FOLH1: variants seen among roughly 807,000 people sequenced by gnomAD.
The protein encoded by FOLH1 is folate hydrolase 1.
In FOLH1, 54 loss-of-function variants were observed where a neutral mutation model predicts 93.9. The observed-to-expected ratio is 0.57, with a 90% CI of 0.46 to 0.72. The LOEUF (loss-of-function observed/expected upper bound fraction) is 0.72, where lower values mean the gene tolerates loss of function less well. FOLH1 is among the 30% of genes least tolerant of loss of function. FOLH1 has a pLI of 0.00. For synonymous variants in FOLH1, 249 were observed against 303.6 expected, an observed-to-expected ratio of 0.82 and a Z score of 1.87; for missense variants, 571 against 892.5, an observed-to-expected ratio of 0.64 and a Z score of 4.59.
intron 3 of FOLH1, among the ~76,000 whole-genome samples, chr11:49,198,652 A>C (rs966451998): frequency 6.6e-6 from 1 of 152,032 alleles, no homozygotes; most frequent in Non-Finnish European, 1.5e-5. Context: ...TGTTTTAAAG[A>C]CCCCTCGGTA....
intron 4 of FOLH1, among the ~76,000 whole-genome samples, chr11:49,191,499 G>T (rs546077498): frequency 1.3e-5 from 2 of 152,158 alleles, no homozygotes; most frequent in Admixed American, 1.3e-4. Context: ...AAGATTTTAA[G>T]TCTATTTGAA....
chr11:49,170,529 T>C (rs959942937), intron 11 of FOLH1, among the ~76,000 whole-genome samples: 1 of 152,122 alleles, frequency 6.6e-6, no homozygotes, highest in Admixed American at 6.5e-5. Flanking sequence ...GCAGGAGAAT[T>C]GCTTGAACCC....
intron 3 of FOLH1, among the ~76,000 whole-genome samples, chr11:49,194,692 A>G (rs1862438197): frequency 6.6e-6 from 1 of 152,076 alleles, no homozygotes; most frequent in Non-Finnish European, 1.5e-5. Context: ...AGCATGTCTA[A>G]ATAAAATCAG....
intron 3 of FOLH1, among the ~76,000 whole-genome samples, chr11:49,194,258 C>T (rs1478074220): frequency 6.6e-6 from 1 of 150,852 alleles, no homozygotes; most frequent in African/African-American, 2.4e-5. Context: ...CCAGATAATT[C>T]ATAACCCTAC....
In FOLH1 at chr11:49,198,146, T is replaced by C. The variant is rs191546417; in HGVS notation, c.411+2109A>G. Among the ~76,000 whole-genome samples the C allele has an allele frequency of 4.9e-3, 739 of 151,962 alleles. 6 individuals are homozygous for C. The highest frequency in any genetic ancestry group is 7.1e-3 in the Admixed American group (109 of 15,270). ...TAATGAAATAAAATAAGCAATGGTA[T>C]AGTCAAAACTGGGAAGTGAGGAGGA... On this transcript the variant is annotated intron_variant, in intron 3 of 18. Transcript: ENST00000256999.
intron 7 of FOLH1, among the ~76,000 whole-genome samples, chr11:49,176,327 C>A (rs984749811): frequency 1.3e-4 from 20 of 152,188 alleles, no homozygotes; most frequent in African/African-American, 1.9e-4. Flanking sequence ...ATTTTCCATT[C>A]TTATTTGTCT....
chr11:49,163,212 CCT>C (rs1857924071), intron 13 of FOLH1, among the ~76,000 whole-genome samples: 1 of 152,114 alleles, frequency 6.6e-6, no homozygotes, highest in Non-Finnish European at 1.5e-5. Flanking sequence ...GTGGTTTGCC[CCT>C]CCTCCTGGCA....
intron 11 of FOLH1, 56 bp from the exon 12 acceptor site, chr11:49,169,314 A>T (rs1365171615): frequency 1.7e-5 from 25 of 1,483,144 alleles, no homozygotes; most frequent in Non-Finnish European, 3.7e-6. Flanking sequence ...CCCCTCCCCC[A>T]CAAAATGCAC....
chr11:49,172,656 A>C (rs1329535162), intron 10 of FOLH1, among the ~76,000 whole-genome samples: 2 of 152,208 alleles, frequency 1.3e-5, no homozygotes, highest in African/African-American at 4.8e-5. Flanking sequence ...GGTTGATAAA[A>C]ATATATAGAT....
chr11:49,156,211 C>T (rs990241289), intron 15 of FOLH1, among the ~76,000 whole-genome samples: 5 of 151,834 alleles, frequency 3.3e-5, no homozygotes, highest in Admixed American at 6.6e-5. Context: ...GACCCAGTCT[C>T]GGGTATGTCT....
At chr11:49,148,806 A>C (rs1275630122) in intron 17 of FOLH1, 75 bp from the exon 18 acceptor site, 19 of 1,285,928 alleles carry the variant, frequency 1.5e-5, no homozygotes, top group Non-Finnish European at 1.9e-5. Context: ...TTTCAGAACA[A>C]AACTGAATTT....
chr11:49,167,717 G>A (rs558040516), intron 12 of FOLH1, among the ~76,000 whole-genome samples: 2 of 152,178 alleles, frequency 1.3e-5, no homozygotes, highest in Admixed American at 1.3e-4. Flanking sequence ...AGGAGGCTGA[G>A]GTTGGAGGAT....
chr11:49,171,391 G>A (rs1351209522), intron 10 of FOLH1, 114 bp from the exon 11 acceptor site: 33 of 1,309,434 alleles, frequency 2.5e-5, no homozygotes, highest in Non-Finnish European at 3.4e-5. Flanking sequence ...TTTGGGAAGG[G>A]CAAATTGTAG....
Position 49,165,443 on chromosome 11 carries a change from G to A in FOLH1, c.1373-671C>T, listed in dbSNP as rs570485494. Among the ~76,000 whole-genome samples, 7 of 152,268 alleles carry A rather than the reference G, an allele frequency of 4.6e-5. No homozygotes were observed. In the South Asian group the frequency reaches 1.5e-3, roughly 32 times the overall value. The stretch of plus-strand genomic sequence containing the variant: ...AGTTTCAGTCCCCATTCCTCAGGAG[G>A]GGGCTGGTGGTTGTGACAATCAAGT... On this transcript the variant is annotated intron_variant, in intron 12 of 18. Transcript: ENST00000256999.
chr11:49,183,319 C>T, intron 6 of FOLH1, 77 bp from the exon 7 acceptor site: 1 of 1,069,910 alleles, frequency 9.3e-7, no homozygotes, highest in Non-Finnish European at 1.4e-6. Flanking sequence ...ACATTAAATA[C>T]ATTCTAATTT....
chr11:49,192,256 C>G (rs1862140990), intron 4 of FOLH1, among the ~76,000 whole-genome samples: 1 of 151,824 alleles, frequency 6.6e-6, no homozygotes, highest in Admixed American at 6.6e-5. Flanking sequence ...CACTGTAAAT[C>G]ATAAAGAAGG....
chr11:49,160,669 C>T (rs185282010), intron 13 of FOLH1, among the ~76,000 whole-genome samples: 1 of 152,242 alleles, frequency 6.6e-6, no homozygotes, highest in African/African-American at 2.4e-5. Flanking sequence ...GTCTCGATCT[C>T]CTGACCTTGT....
rs1259547630 is a variant in FOLH1 at position 49,194,513 on chromosome 11, G to T, written c.412-1619C>A. ...TTGGTAATATATAACAAAAGTGAAA[G>T]TGTTCTAAGGTTTCTATATTGTAGA... On this transcript the variant is annotated intron_variant, in intron 3 of 18. Transcript: ENST00000256999. Among the ~76,000 whole-genome samples, 4 of 151,884 alleles carry T rather than the reference G, an allele frequency of 2.6e-5. No homozygotes were observed. The East Asian group carries it at 5.8e-4, about 22-fold the overall frequency.
At chr11:49,199,825 C>T (rs1863073002) in intron 3 of FOLH1, among the ~76,000 whole-genome samples, 1 of 151,832 alleles carries the variant, frequency 6.6e-6, no homozygotes, top group African/African-American at 2.4e-5. Context: ...GAAGGAGAAT[C>T]CCTTGAACAT....
Sources: gnomAD v4.1 joint callset for allele counts (sites outside exome capture counted in the v4.1 genomes callset) on GRCh38, gnomAD v4.1.1 for gene constraint, MANE v1.5 for transcripts, NCBI Gene and HGNC (gene_info 2026-07-23, HGNC 2026-07-21) for gene names.